LEO1: variants seen among roughly 807,000 people sequenced by gnomAD.
The protein encoded by LEO1 is LEO1 component of Paf1/RNA polymerase II complex.
A neutral mutation model predicts 80.4 loss-of-function variants in LEO1; 34 were observed. That is an observed-to-expected ratio of 0.42 (90% CI 0.32 to 0.56). LEO1 has a LOEUF of 0.56. LEO1 is among the 20% of genes least tolerant of loss of function. LEO1 has a pLI of 0.10. For synonymous variants in LEO1, 262 were observed against 274.9 expected, an observed-to-expected ratio of 0.95 and a Z score of 0.46; for missense variants, 631 against 814.2, an observed-to-expected ratio of 0.77 and a Z score of 2.74.
chr15:51,940,739 G>A (rs1303648476), intron 11 of LEO1, among the ~76,000 whole-genome samples: 1 of 151,544 alleles, frequency 6.6e-6, no homozygotes, highest in East Asian at 1.9e-4. Context: ...TGGGCAACAT[G>A]GTAAGACATT....
chr15:51,952,161 A>T (rs903342655), intron 8 of LEO1, 182 bp from the exon 9 acceptor site: 2 of 489,004 alleles, frequency 4.1e-6, no homozygotes, highest in Non-Finnish European at 7.2e-6. Context: ...TCTGTGGCTC[A>T]CTGAGACATT....
At chr15:51,966,722 C>T (rs943796178) in intron 1 of LEO1, among the ~76,000 whole-genome samples, 4 of 152,002 alleles carry the variant, frequency 2.6e-5, no homozygotes, top group African/African-American at 9.7e-5. Context: ...ACCAGCCTGA[C>T]AAACATAGCG....
rs745360689 is a variant in LEO1 at position 51,938,195 on chromosome 15, C to T, written c.1962G>A (p.Lys654=). ...DDDKANKKHK[K]YVISDEEEED... ...CTTCCTCTTCATCGCTGATCACATA[C>T]TTCTTATGCTTTTTATTTGCTTTAT... Residue 654 remains lysine, a synonymous_variant, in exon 12 of 12, where the codon AAG becomes AAA. Transcript: ENST00000299601. 1.2e-6 allele frequency: 2 copies of T among 1,610,256 alleles called. No homozygotes were observed. The highest frequency in any genetic ancestry group is 4.5e-5 in the East Asian group (2 of 44,834).
intron 1 of LEO1, 108 bp downstream of exon 1, chr15:51,971,580 T>G (rs1595951911): frequency 9.1e-7 from 1 of 1,099,130 alleles, no homozygotes; most frequent in Non-Finnish European, 1.4e-6. Context: ...GAGGCAGGAG[T>G]GGAGGAAACG....
chr15:51,949,084 C>G (rs969271650), intron 10 of LEO1, among the ~76,000 whole-genome samples: 3 of 151,866 alleles, frequency 2.0e-5, no homozygotes, highest in South Asian at 4.1e-4. Flanking sequence ...GAGCATTTGC[C>G]TGAAATTCAG....
At chr15:51,948,639 G>A (rs568933260) in intron 10 of LEO1, among the ~76,000 whole-genome samples, 2 of 152,284 alleles carry the variant, frequency 1.3e-5, no homozygotes, top group Non-Finnish European at 2.9e-5. Flanking sequence ...ATTATATTAT[G>A]TAATCTTCAA....
At chr15:51,953,314 C>T (rs2056963655) in intron 7 of LEO1, 51 bp from the exon 8 acceptor site, 2 of 1,589,384 alleles carry the variant, frequency 1.3e-6, no homozygotes, top group Non-Finnish European at 1.7e-6. Context: ...TTCACTCTAC[C>T]ATCTTACTTC....
chr15:51,941,435 G>A (rs2056851616), intron 11 of LEO1, among the ~76,000 whole-genome samples: 1 of 152,152 alleles, frequency 6.6e-6, no homozygotes, highest in Non-Finnish European at 1.5e-5. Flanking sequence ...AGGGAGAGCT[G>A]GAGAAAGAGA....
chr15:51,942,660 G>C (rs776145183), intron 11 of LEO1, among the ~76,000 whole-genome samples: 9 of 147,856 alleles, frequency 6.1e-5, no homozygotes, highest in Admixed American at 1.5e-4. Flanking sequence ...GGTGGCTCAT[G>C]CCTGTAATCC....
chr15:51,963,565 TA>T, intron 2 of LEO1, among the ~76,000 whole-genome samples: 1 of 152,252 alleles, frequency 6.6e-6, no homozygotes, highest in Admixed American at 6.5e-5. Flanking sequence ...ATTTGGGATG[TA>T]GTACATGAGC....
rs1239809561 is a variant in LEO1 at position 51,965,746 on chromosome 15, T to G, written c.814+3A>C. 3 of 1,599,900 alleles carry G rather than the reference T, an allele frequency of 1.9e-6. No homozygotes were observed. The Admixed American group carries it at 5.2e-5, about 28-fold the overall frequency. ...GCCATTCTGGTTCTCATAAATGTATTACCTGATTTATGATCCTGTTCCTCT... is the reference window on the plus strand; with the variant it reads ...GCCATTCTGGTTCTCATAAATGTATGACCTGATTTATGATCCTGTTCCTCT... On this transcript the variant is annotated splice_donor_region_variant and intron_variant, in intron 2 of 11. Transcript: ENST00000299601.
chr15:51,949,818 C>T lies in LEO1; in HGVS notation c.1788G>A (p.Gly596=), dbSNP rs2056933056. ...CCATACACGACTCACCTCGAATGCC[C>T]CCTTTATATCGGTTTTTAATGGCAG... The part of the protein sequence containing the change: ...SLAAIKNRYK[G]GIREERARIY... Residue 596 remains glycine, a synonymous_variant, in exon 10 of 12, where the codon GGG becomes GGA. Coordinates refer to ENST00000299601, the MANE Select transcript of LEO1 (RefSeq NM_138792.4). 6.2e-7 allele frequency: 1 copy of T among 1,613,210 alleles called. No homozygotes were observed. Among genetic ancestry groups the T allele is most frequent in the Non-Finnish European group, 8.5e-7 (1 of 1,179,806 alleles).
intron 8 of LEO1, chr15:51,952,212 G>C (rs1016203731): frequency 1.3e-5 from 5 of 398,056 alleles, no homozygotes; most frequent in Non-Finnish European, 2.2e-5. Context: ...GAGTAAAAAA[G>C]ATTGTATGGC....
At chr15:51,965,613 A>G in intron 2 of LEO1, 136 bp downstream of exon 2, 1 of 1,174,814 alleles carries the variant, frequency 8.5e-7, no homozygotes, top group Non-Finnish European at 1.2e-6. Flanking sequence ...AATGTATTCT[A>G]GAGTTAGAAA....
intron 6 of LEO1, among the ~76,000 whole-genome samples, chr15:51,958,235 C>A (rs578215339): frequency 7.5e-4 from 113 of 151,162 alleles, no homozygotes; most frequent in African/African-American, 2.6e-3. Flanking sequence ...GCGGGAGGAT[C>A]ACTTGAGCTC....
At chr15:51,970,451 A>G (rs1411421305) in intron 1 of LEO1, among the ~76,000 whole-genome samples, 1 of 152,232 alleles carries the variant, frequency 6.6e-6, no homozygotes, top group Non-Finnish European at 1.5e-5. Flanking sequence ...AAACAACCCA[A>G]TGTCCATCAA....
intron 11 of LEO1, among the ~76,000 whole-genome samples, chr15:51,941,831 C>T (rs2056855474): frequency 6.6e-6 from 1 of 152,170 alleles, no homozygotes; most frequent in South Asian, 2.1e-4. Context: ...GTTTTTAATA[C>T]TGTAATGCAA....
chr15:51,963,414 CATT>C (rs767783058), intron 2 of LEO1, among the ~76,000 whole-genome samples: 3 of 152,142 alleles, frequency 2.0e-5, no homozygotes, highest in Non-Finnish European at 2.9e-5. Flanking sequence ...ACAAATATAT[CATT>C]ATTTCTAGAA....
chr15:51,970,293 G>A (rs1417015614), intron 1 of LEO1, among the ~76,000 whole-genome samples: 1 of 152,118 alleles, frequency 6.6e-6, no homozygotes, highest in Non-Finnish European at 1.5e-5. Flanking sequence ...GAGTACCTGG[G>A]ACTACAGGCA....
Sources: gnomAD v4.1 joint callset for allele counts (sites outside exome capture counted in the v4.1 genomes callset) on GRCh38, gnomAD v4.1.1 for gene constraint, MANE v1.5 for transcripts, NCBI Gene and HGNC (gene_info 2026-07-23, HGNC 2026-07-21) for gene names.